The following PIK3C2G variants were observed in gnomAD, a reference collection of about 807,000 sequenced individuals.
The protein encoded by PIK3C2G is phosphatidylinositol-4-phosphate 3-kinase catalytic subunit type 2 gamma, also known as phosphatidylinositol 3-kinase C2 domain-containing subunit gamma.
A neutral mutation model predicts 181.1 loss-of-function variants in PIK3C2G; 168 were observed. The ratio of observed to expected loss-of-function variants is 0.93; its 90% CI spans 0.82 to 1.05. PIK3C2G has a LOEUF of 1.05. Ranked by LOEUF, PIK3C2G falls within the 50% of genes least tolerant of loss-of-function variation. The pLI, the probability that PIK3C2G is intolerant of heterozygous loss-of-function variation, is 0.00. For synonymous variants in PIK3C2G, 573 were observed against 592.2 expected (o/e 0.97, Z 0.47); for missense variants, 1,869 against 1,732.8 (o/e 1.08, Z -1.40).
rs1035880230 is a variant in PIK3C2G at position 18,620,543 on chromosome 12, T to C, written c.4182+10914T>C. ...TTAGACAGACAGATAGATAGATAGA[T>C]AGATAGATAGATAGATAGATAGATA... On this transcript the variant is annotated intron_variant, in intron 31 of 32. Transcript: ENST00000538779. 3.4e-3 allele frequency among the ~76,000 whole-genome samples: 509 copies of C among 151,586 alleles called. 10 individuals carry two copies. The highest frequency in any genetic ancestry group is 0.012 in the African/African-American group (482 of 41,174).
rs542398118 is a variant in PIK3C2G, at chr12:18,280,580, A to G, written c.-78-1424A>G. Among the ~76,000 whole-genome samples, 209 of 152,124 alleles carry G rather than the reference A, an allele frequency of 1.4e-3. 1 individual carries two copies. Among genetic ancestry groups the G allele is most frequent in the African/African-American group, 4.8e-3 (198 of 41,560 alleles). On this transcript the variant is annotated intron_variant, in intron 1 of 32. Coordinates refer to ENST00000538779, the MANE Select transcript of PIK3C2G (RefSeq NM_001288772.2). ...AAGGGAGAGAATGAAACTGAGTAGC[A>G]TAAGGTGAACCTAGAGAGTGTGTAG...
rs1949058500 is a variant in PIK3C2G at position 18,278,063 on chromosome 12, G to A, written c.-78-3941G>A. ...ACTTATTCTAGTCTCTGATTTTCCA[G>A]TTAATTTAGGAAATACCTTTCAGTT... On this transcript the variant is annotated intron_variant, in intron 1 of 32. Transcript: ENST00000538779. Among the ~76,000 whole-genome samples, 4 of 152,228 alleles carry A rather than the reference G, an allele frequency of 2.6e-5. No homozygotes were observed. The Middle Eastern group carries it at 0.014, about 518-fold the overall frequency.
the PIK3C2G span, chr12:18,684,343 C>T: frequency 7.3e-5 from 108 of 1,475,778 alleles, no homozygotes; most frequent in Non-Finnish European, 9.7e-5. Flanking sequence ...AAATAGATTA[C>T]ATTTGTTCTC....
At chr12:18,698,527 A>T in the PIK3C2G span, among the ~76,000 whole-genome samples, 1 of 152,180 alleles carries the variant, frequency 6.6e-6, no homozygotes, top group Non-Finnish European at 1.5e-5. Flanking sequence ...TAATCATTAA[A>T]GCTTTCAGAA....
chr12:18,406,706 C>T lies in PIK3C2G; in HGVS notation c.2315+6859C>T, dbSNP rs56157447. 2.6e-5 allele frequency among the ~76,000 whole-genome samples: 4 copies of T among 152,038 alleles called. No homozygotes were observed. The South Asian group carries it at 8.3e-4, about 32-fold the overall frequency. On this transcript the variant is annotated intron_variant, in intron 16 of 32. Transcript: ENST00000538779. Reference sequence around the variant, plus strand: ...TACTAACAGCCAACAGCCTGGAACACAAGTGCAAGCAAGCATTTTATCCAG... The same window carrying T: ...TACTAACAGCCAACAGCCTGGAACATAAGTGCAAGCAAGCATTTTATCCAG...
At chr12:18,347,576 T>C (rs1939790177) in intron 11 of PIK3C2G, among the ~76,000 whole-genome samples, 3 of 152,076 alleles carry the variant, frequency 2.0e-5, no homozygotes, top group Admixed American at 6.5e-5. Flanking sequence ...TTGGGAGGCC[T>C]AGGCGGGCAA....
At chr12:18,634,198 C>A (rs1949488170) in intron 31 of PIK3C2G, among the ~76,000 whole-genome samples, 1 of 152,136 alleles carries the variant, frequency 6.6e-6, no homozygotes, top group Admixed American at 6.6e-5. Context: ...AACATGGGCC[C>A]ATTGCCATGC....
At chr12:18,432,936 G>T (rs1036690781) in intron 18 of PIK3C2G, among the ~76,000 whole-genome samples, 7 of 150,700 alleles carry the variant, frequency 4.6e-5, no homozygotes, top group Non-Finnish European at 7.4e-5. Flanking sequence ...GGAAATGTTT[G>T]TTTTTTCTAT....
At chr12:18,262,720 C>T (rs909576260) in intron 1 of PIK3C2G, among the ~76,000 whole-genome samples, 1 of 151,910 alleles carries the variant, frequency 6.6e-6, no homozygotes, top group Non-Finnish European at 1.5e-5. Flanking sequence ...CCATTGTGAA[C>T]CCCAAGGCTA....
intron 30 of PIK3C2G, among the ~76,000 whole-genome samples, chr12:18,600,598 CA>C (rs1947656885): frequency 6.6e-6 from 1 of 151,712 alleles, no homozygotes; most frequent in South Asian, 2.1e-4. Context: ...TGCAAGTACG[CA>C]AATATTAATA....
At chr12:18,437,555 G>A (rs1356273437) in intron 18 of PIK3C2G, among the ~76,000 whole-genome samples, 1 of 151,896 alleles carries the variant, frequency 6.6e-6, no homozygotes, top group African/African-American at 2.4e-5. Flanking sequence ...TCTTGCTTGG[G>A]TTTAGTTATC....
the PIK3C2G span, among the ~76,000 whole-genome samples, chr12:18,686,083 C>A: frequency 6.6e-6 from 1 of 151,974 alleles, no homozygotes; most frequent in Non-Finnish European, 1.5e-5. Flanking sequence ...TCTTCTTGTC[C>A]AGCCATCTGG....
chr12:18,452,229 A>G (rs1947403098), intron 18 of PIK3C2G, among the ~76,000 whole-genome samples: 1 of 152,148 alleles, frequency 6.6e-6, no homozygotes, highest in Non-Finnish European at 1.5e-5. Context: ...TAGGCTATTA[A>G]TTACTGCCTC....
chr12:18,476,014 T>A (rs973029105), intron 18 of PIK3C2G, among the ~76,000 whole-genome samples: 7 of 152,130 alleles, frequency 4.6e-5, no homozygotes, highest in Non-Finnish European at 7.4e-5. Context: ...GTTACAGTTC[T>A]GTCCCGAAAG....
At chr12:18,579,000 C>A (rs375339674) in intron 29 of PIK3C2G, among the ~76,000 whole-genome samples, 1 of 151,984 alleles carries the variant, frequency 6.6e-6, no homozygotes, top group East Asian at 1.9e-4. Flanking sequence ...TAATCCTATA[C>A]GCTTCTACAC....
rs754620133 is a variant in PIK3C2G, at chr12:18,640,465, G to GA, written c.4221dup (p.Phe1408IlefsTer9). The GA allele has an allele frequency of 1.9e-6, 3 of 1,609,766 alleles. No homozygotes were observed. In the African/African-American group the frequency reaches 4.0e-5, roughly 22 times the overall value. ...TGGCTCTGCGCCCAGTGCACATGTT[G>GA]AATTTTATCTTTTACCATATCCCAG... On this transcript the variant is annotated frameshift_variant, in exon 32 of 33. Coordinates refer to ENST00000538779, the MANE Select transcript of PIK3C2G (RefSeq NM_001288772.2). LOFTEE classifies it high-confidence loss of function.
At chr12:18,283,040 T>C (rs1486654488) in intron 2 of PIK3C2G, among the ~76,000 whole-genome samples, 3 of 152,188 alleles carry the variant, frequency 2.0e-5, no homozygotes. Context: ...TTCATTTCAT[T>C]GATAAAAATA....
At chr12:18,696,026 C>A in the PIK3C2G span, 5 of 583,790 alleles carry the variant, frequency 8.6e-6, no homozygotes, top group South Asian at 8.9e-5. Flanking sequence ...TAGTGCCTGA[C>A]CCCAAAGCCC....
chr12:18,388,160 T>A (rs1468278826), intron 14 of PIK3C2G, among the ~76,000 whole-genome samples: 1 of 152,220 alleles, frequency 6.6e-6, no homozygotes, highest in Non-Finnish European at 1.5e-5. Context: ...GATCCCTCTT[T>A]TACAACTCCT....
Sources: gnomAD v4.1 joint callset for allele counts (sites outside exome capture counted in the v4.1 genomes callset) on GRCh38, gnomAD v4.1.1 for gene constraint, MANE v1.5 for transcripts, NCBI Gene and HGNC (gene_info 2026-07-23, HGNC 2026-07-21) for gene names.